Variants in SULT1C3 observed in about 807,000 individuals in gnomAD.
SULT1C3 encodes sulfotransferase 1C3.
A neutral mutation model predicts 28.4 loss-of-function variants in SULT1C3; 31 were observed. The observed-to-expected ratio is 1.09, with a 90% CI of 0.82 to 1.47. The LOEUF (loss-of-function observed/expected upper bound fraction) is 1.47. SULT1C3 is among the 40% of genes most tolerant of loss of function. The pLI is 0.00. For missense variants in SULT1C3, 307 were observed against 272.5 expected (o/e 1.13, Z -0.89); for synonymous variants, 106 against 92.2 (o/e 1.15, Z -0.86).
At chr2:108,247,565 G>T (rs915028351) in intron 2 of SULT1C3, among the ~76,000 whole-genome samples, 199 bp downstream of exon 2, 2 of 152,104 alleles carry the variant, frequency 1.3e-5, no homozygotes, top group Non-Finnish European at 2.9e-5. Context: ...GAAGAGAACA[G>T]AAAAGATTTC....
intron 1 of SULT1C3, among the ~76,000 whole-genome samples, chr2:108,244,044 T>G (rs576878102): frequency 2.2e-4 from 33 of 152,374 alleles, no homozygotes; most frequent in African/African-American, 7.5e-4. Context: ...GTCCTGGGCC[T>G]GCATCCTAAC....
intron 5 of SULT1C3, among the ~76,000 whole-genome samples, chr2:108,257,273 C>T (rs919738792): frequency 6.6e-6 from 1 of 151,944 alleles, no homozygotes; most frequent in African/African-American, 2.4e-5. Context: ...GCTGTTATAT[C>T]AAATCTTGCC....
At chr2:108,256,029 C>T (rs946738324) in intron 5 of SULT1C3, among the ~76,000 whole-genome samples, 4 of 151,946 alleles carry the variant, frequency 2.6e-5, no homozygotes, top group African/African-American at 4.8e-5. Flanking sequence ...TGATATCCTG[C>T]GGTTTCATCT....
chr2:108,256,135 A>G (rs979984006), intron 5 of SULT1C3, among the ~76,000 whole-genome samples: 2 of 152,020 alleles, frequency 1.3e-5, no homozygotes, highest in Non-Finnish European at 2.9e-5. Flanking sequence ...ACAGTGCACA[A>G]TCTTAGACCT....
intron 5 of SULT1C3, among the ~76,000 whole-genome samples, chr2:108,257,100 G>GA (rs1376510369): frequency 6.6e-6 from 1 of 152,026 alleles, no homozygotes. Context: ...TTGTTTCTGT[G>GA]AAAGTGTCAA....
chr2:108,245,895 C>G (rs1201239248), intron 1 of SULT1C3, among the ~76,000 whole-genome samples: 1 of 152,150 alleles, frequency 6.6e-6, no homozygotes, highest in African/African-American at 2.4e-5. Flanking sequence ...CTCTGCTTCT[C>G]TTATAAAACT....
chr2:108,258,263 C>T (rs1169590583), intron 5 of SULT1C3, among the ~76,000 whole-genome samples: 1 of 152,014 alleles, frequency 6.6e-6, no homozygotes, highest in Non-Finnish European at 1.5e-5. Flanking sequence ...AAAATGCATC[C>T]CATGTTTACC....
intron 5 of SULT1C3, 31 bp from the exon 6 acceptor site, chr2:108,258,703 T>C (rs764811633): frequency 2.6e-6 from 4 of 1,564,234 alleles, no homozygotes; most frequent in Non-Finnish European, 3.5e-6. Flanking sequence ...GTCCCAGTAC[T>C]GGGAACTAAC....
chr2:108,253,693 T>C (rs1007266669), intron 4 of SULT1C3, among the ~76,000 whole-genome samples: 2 of 152,102 alleles, frequency 1.3e-5, no homozygotes, highest in Non-Finnish European at 2.9e-5. Context: ...AAATTGAGTC[T>C]GTGTTGCTAC....
chr2:108,247,506 C>A lies in SULT1C3; in HGVS notation c.172+140C>A, dbSNP rs137967079. ...AGATCTGTTCTTTGGTGCTGCAGGA[C>A]ATTTAGCATTCCTGATCCCTAGGAC... On this transcript the variant is annotated intron_variant, in intron 2 of 7. Transcript: ENST00000681802. 9 of 773,982 alleles carry A rather than the reference C, an allele frequency of 1.2e-5. No homozygotes were observed. The Admixed American group carries it at 3.5e-4, about 30-fold the overall frequency. 47.9% of individuals were successfully genotyped at this position (773,982 alleles called of 1,614,324 possible).
At chr2:108,255,526 A>C (rs1168586224) in intron 4 of SULT1C3, 46 bp from the exon 5 acceptor site, 3 of 1,596,544 alleles carry the variant, frequency 1.9e-6, no homozygotes, top group Non-Finnish European at 2.6e-6. Context: ...ATTTCATGTC[A>C]GTCTATTTTT....
At chr2:108,251,692 C>A (rs1047073489) in intron 2 of SULT1C3, among the ~76,000 whole-genome samples, 1 of 151,934 alleles carries the variant, frequency 6.6e-6, no homozygotes, top group African/African-American at 2.4e-5. Flanking sequence ...CTGGCTAATT[C>A]GTTCAAAAAC....
At position 108,255,697 on chromosome 2, in the gene SULT1C3, A is replaced by T; in HGVS notation, c.525A>T (p.Lys175Asn). 6.2e-7 allele frequency: 1 copy of T among 1,609,706 alleles called. No homozygotes were observed. Among genetic ancestry groups the T allele is most frequent in the Non-Finnish European group, 8.5e-7 (1 of 1,177,174 alleles). ...EEFYEKFMSG[K>N]VVGGSWFDHV... The stretch of plus-strand genomic sequence containing the variant: ...TTTATGAGAAATTCATGTCCGGAAA[A>T]GGTGAGTTCAAACTGATCTTTTTGG... The change falls in exon 5 of 8, where the codon AAA becomes AAT. Residue 175 changes from lysine to asparagine, a missense_variant and splice_region_variant. By Grantham distance (94) the Lys-to-Asn change is moderately conservative. Coordinates refer to ENST00000681802, the MANE Select transcript of SULT1C3 (RefSeq NM_001320878.2).
In SULT1C3 at chr2:108,240,070, G is replaced by T. The variant is rs187684477; in HGVS notation, c.-21G>T. On this transcript the variant is annotated 5_prime_UTR_variant, in exon 1 of 8. Transcript: ENST00000681802. ...AAGGCAGCAAGCTGCTTCCTCTGCT[G>T]CCTGAGATACCAGGTAAGCCTCACC... Among the ~76,000 whole-genome samples the T allele has an allele frequency of 6.6e-6, 1 of 152,340 alleles. No homozygotes were observed. Among genetic ancestry groups the T allele is most frequent in the Non-Finnish European group, 1.5e-5 (1 of 68,026 alleles).
intron 1 of SULT1C3, among the ~76,000 whole-genome samples, chr2:108,240,790 A>G (rs1400634955): frequency 6.6e-6 from 1 of 152,304 alleles, no homozygotes; most frequent in Middle Eastern, 3.4e-3. Flanking sequence ...TTGGAACACA[A>G]TTTCTCTCTC....
chr2:108,247,253 T>A lies in SULT1C3; in HGVS notation c.59T>A (p.Ile20Asn), dbSNP rs1675607846. The A allele has an allele frequency of 1.9e-6, 3 of 1,592,780 alleles. No individual in the cohort carries two copies. Among genetic ancestry groups the A allele is most frequent in the East Asian group, 2.3e-5 (1 of 44,282 alleles). The part of the protein sequence containing the change: ...TMEKKPELFN[I>N]MEVDGVPTLI... ...GAAAAAAAGCCAGAACTGTTTAACA[T>A]CATGGAAGTAGATGGAGTCCCTACG... Residue 20 changes from isoleucine to asparagine, a missense_variant, in exon 2 of 8, where the codon ATC becomes AAC. Ile to Asn is a moderately radical substitution (Grantham distance 149, BLOSUM62 -3). Transcript: ENST00000681802.
chr2:108,264,972 A>G (rs1676101849), downstream of SULT1C3: 1 of 1,613,424 alleles, frequency 6.2e-7, no homozygotes, highest in Non-Finnish European at 8.5e-7. Flanking sequence ...CACCAGCATT[A>G]TGGACCACTC....
At chr2:108,241,190 C>A (rs184774548) in intron 1 of SULT1C3, among the ~76,000 whole-genome samples, 1 of 152,228 alleles carries the variant, frequency 6.6e-6, no homozygotes, top group Non-Finnish European at 1.5e-5. Flanking sequence ...CTGCGTGTCA[C>A]GCTTGATTCC....
At chr2:108,262,936 C>T (rs747097514), downstream of SULT1C3, among the ~76,000 whole-genome samples, 1 of 152,154 alleles carries the variant, frequency 6.6e-6, no homozygotes, top group Non-Finnish European at 1.5e-5. Context: ...TTTTTCAGAG[C>T]TTATCTACCT....
Sources: allele counts gnomAD v4.1 joint callset (sites outside exome capture counted in the v4.1 genomes callset), GRCh38; gene constraint gnomAD v4.1.1; transcripts MANE v1.5; gene names NCBI Gene and HGNC (gene_info 2026-07-23, HGNC 2026-07-21).